The following APOH variants were observed in gnomAD, a reference collection of about 807,000 sequenced individuals.
APOH encodes beta-2-glycoprotein 1.
A neutral mutation model predicts 39.8 loss-of-function variants in APOH; 48 were observed. That is an observed-to-expected ratio of 1.21 (90% confidence interval 0.96 to 1.54). APOH has a LOEUF of 1.54. Among genes scored for constraint, APOH ranks in the 40% most tolerant of loss-of-function variants. APOH has a pLI of 0.00. For synonymous variants in APOH, 153 were observed against 151.1 expected (o/e 1.01, Z -0.09); for missense variants, 415 against 421.2 (o/e 0.99, Z 0.13).
rs1394413014 is a variant in APOH, at chr17:66,228,118, G to C, written c.143C>G (p.Thr48Arg). 5 of 1,614,038 alleles carry C rather than the reference G, an allele frequency of 3.1e-6. No individual in the cohort carries two copies. In the African/African-American group the frequency reaches 6.7e-5, roughly 22 times the overall value. ...CACATAGCCCGGCTTGCAGGAATAC[G>C]TAATCTCTTCTCCTGGCTCATAGAA... ...KTFYEPGEEI[T>R]YSCKPGYVSR... Residue 48 changes from threonine (T) to arginine (R), a missense_variant, in exon 2 of 8, where the codon ACG becomes AGG. This residue lies in a region of APOH where 288 missense variants were observed against 284.9 expected (regional missense o/e 1.01). Transcript: ENST00000205948.
intron 5 of APOH, among the ~76,000 whole-genome samples, chr17:66,219,451 G>C (rs1158726856): frequency 5.3e-5 from 8 of 152,088 alleles, no homozygotes; most frequent in Non-Finnish European, 2.9e-5. Context: ...TTGGGAGAAT[G>C]AGGTCAGATG....
intron 7 of APOH, among the ~76,000 whole-genome samples, chr17:66,212,748 G>A (rs2073343584): frequency 6.6e-6 from 1 of 152,142 alleles, no homozygotes; most frequent in South Asian, 2.1e-4. Flanking sequence ...TAACAGTCAA[G>A]ATTAAAGGGG....
intron 5 of APOH, 127 bp downstream of exon 5, chr17:66,220,427 T>A: frequency 1.2e-6 from 1 of 863,500 alleles, no homozygotes; most frequent in East Asian, 2.6e-5. Flanking sequence ...TGGCACATGG[T>A]AGATGCTCAA....
chr17:66,212,376 C>A lies in APOH; in HGVS notation c.983-188G>T, dbSNP rs149375926. On this transcript the variant is annotated intron_variant, in intron 7 of 7. Transcript: ENST00000205948. ...AGGGAAATGATAAGACCCTCATTTT[C>A]TTTTTCTTTTTCTTTTTCCTTTTTT... is the stretch of plus-strand genomic sequence containing the variant. Among the ~76,000 whole-genome samples the A allele has an allele frequency of 5.8e-3, 876 of 152,094 alleles. 9 individuals are homozygous for A. Among genetic ancestry groups the A allele is most frequent in the African/African-American group, 0.02 (821 of 41,520 alleles).
chr17:66,215,989 C>T (rs1029669831), intron 6 of APOH, among the ~76,000 whole-genome samples: 1 of 152,014 alleles, frequency 6.6e-6, no homozygotes, highest in Non-Finnish European at 1.5e-5. Context: ...TTTCCTTGAA[C>T]TCACTCGAAT....
At chr17:66,214,784 TAGTA>T in intron 6 of APOH, 134 bp from the exon 7 acceptor site, 2 of 697,544 alleles carry the variant, frequency 2.9e-6, no homozygotes, top group Non-Finnish European at 5.0e-6. Flanking sequence ...AGAATATATA[TAGTA>T]AGTAATGGTA....
In APOH at chr17:66,220,630, T is replaced by C. The variant is rs1455995404; in HGVS notation, c.528A>G (p.Pro176=). Residue 176 remains proline (P), a synonymous_variant, in exon 5 of 8, where the codon CCA becomes CCG. Coordinates refer to ENST00000205948, the MANE Select transcript of APOH (RefSeq NM_000042.3). The part of the protein sequence containing the change: ...YRDTAVFECL[P]QHAMFGNDTI... ...TATCATTTCCAAACATCGCATGTTG[T>C]GGCAAACATTCAAAAACTGCTGTGT... 1 of 1,614,214 alleles carries C rather than the reference T, an allele frequency of 6.2e-7. No individual in the cohort carries two copies. Among genetic ancestry groups the C allele is most frequent in the Admixed American group, 1.7e-5 (1 of 60,010 alleles).
chr17:66,224,479 AAAAAAAAAAAAAG>A (rs1212623345), intron 3 of APOH, among the ~76,000 whole-genome samples: 10 of 145,628 alleles, frequency 6.9e-5, no homozygotes, highest in South Asian at 2.2e-4. Flanking sequence ...GTAAAAAAAA[AAAAAAAAAAAAAG>A]AAAAGAAAAG....
chr17:66,220,658 C>T lies in APOH; in HGVS notation c.500G>A (p.Arg167Gln), dbSNP rs368563115. ...KPSAGNNSLY[R>Q]DTAVFECLPQ... is the part of the protein sequence containing the mutation. ...CAAACATTCAAAAACTGCTGTGTCC[C>T]GATAGAGGGAATTGTTTCCAGCTGA... Residue 167 changes from arginine to glutamine, a missense_variant, in exon 5 of 8, where the codon CGG (arginine) becomes CAG (glutamine). Arg to Gln is a conservative substitution (Grantham distance 43, BLOSUM62 1). Coordinates refer to ENST00000205948, the MANE Select transcript of APOH (RefSeq NM_000042.3). 34 of 1,613,896 alleles carry T rather than the reference C, an allele frequency of 2.1e-5. No homozygotes were observed. The highest frequency in any genetic ancestry group is 4.5e-5 in the East Asian group (2 of 44,898).
In APOH at chr17:66,228,043, G is replaced by A. The variant is rs2073450217; in HGVS notation, c.218C>T (p.Pro73Leu). 6.2e-7 allele frequency: 1 copy of A among 1,613,788 alleles called. No homozygotes were observed. The highest frequency in any genetic ancestry group is 1.1e-5 in the South Asian group (1 of 91,036). Reference sequence around the variant, plus strand: ...ACGTGTACATTTCAGAGTGTTGATGGGCCACAGTCCTGTGAGAGGGCAGAT... The same window carrying A: ...ACGTGTACATTTCAGAGTGTTGATGAGCCACAGTCCTGTGAGAGGGCAGAT... ...KFICPLTGLW[P>L]INTLKCTPRV... The change falls in exon 2 of 8, where the codon CCC becomes CTC. Residue 73 changes from proline to leucine, a missense_variant. By Grantham distance (98) the Pro-to-Leu change is moderately conservative. Transcript: ENST00000205948.
intron 1 of APOH, chr17:66,228,485 C>T (rs967486537): frequency 1.3e-4 from 40 of 302,666 alleles, no homozygotes; most frequent in Non-Finnish European, 2.4e-4. Flanking sequence ...CAATCCAGTC[C>T]CTCCAGCATC....
At chr17:66,228,685 C>T (rs2073454575) in intron 1 of APOH, 1 of 152,634 alleles carries the variant, frequency 6.6e-6, no homozygotes. Flanking sequence ...CCTGTGGTCC[C>T]AGCTACTCGG....
chr17:66,220,727 G>C lies in APOH; in HGVS notation c.431C>G (p.Pro144Arg), dbSNP rs1212114248. The stretch of plus-strand genomic sequence containing the variant: ...TGTTGCAAACGTAGGTATGGATGGT[G>C]GAGGGCAGATGATGGCTGGGAAAAT... The part of the protein sequence containing the change: ...LPVCAPIICP[P>R]PSIPTFATLR... Residue 144 changes from proline to arginine, a missense_variant, in exon 5 of 8, where the codon CCA becomes CGA. Around this residue, in one of 3 missense-constraint regions of APOH, gnomAD observed 288 missense variants for 284.9 expected, o/e 1.01. Coordinates refer to ENST00000205948, the MANE Select transcript of APOH (RefSeq NM_000042.3). 9 of 1,610,078 alleles carry C rather than the reference G, an allele frequency of 5.6e-6. No individual in the cohort carries two copies. The highest frequency in any genetic ancestry group is 6.8e-6 in the Non-Finnish European group (8 of 1,176,700).
intron 3 of APOH, among the ~76,000 whole-genome samples, chr17:66,225,685 G>A (rs1410083821): frequency 6.6e-6 from 1 of 152,106 alleles, no homozygotes; most frequent in Non-Finnish European, 1.5e-5. Flanking sequence ...AGACCATCCT[G>A]GCTAACACAG....
chr17:66,226,537 A>G (rs2073440762), intron 2 of APOH, among the ~76,000 whole-genome samples: 1 of 151,396 alleles, frequency 6.6e-6, no homozygotes, highest in Non-Finnish European at 1.5e-5. Flanking sequence ...CTGGATGCTG[A>G]GGCAGGAGAA....
chr17:66,225,944 A>G (rs2073436668), intron 3 of APOH, 84 bp downstream of exon 3: 1 of 913,624 alleles, frequency 1.1e-6, no homozygotes, highest in Non-Finnish European at 1.7e-6. Flanking sequence ...CTGAAAACAA[A>G]ATATAGACCA....
intron 2 of APOH, 33 bp downstream of exon 2, chr17:66,227,987 G>A (rs1409304847): frequency 1.1e-5 from 18 of 1,590,942 alleles, no homozygotes; most frequent in African/African-American, 2.7e-5. Flanking sequence ...ATCCAAATGA[G>A]GGAAGAGAAT....
At chr17:66,225,335 C>T (rs118088174) in intron 3 of APOH, among the ~76,000 whole-genome samples, 5,267 of 152,172 alleles carry the variant, frequency 0.035, 130 homozygotes, top group Middle Eastern at 0.065. Flanking sequence ...CCCAGATGAG[C>T]CTGTGCCCAC....
chr17:66,218,939 G>A (rs901668703), intron 5 of APOH, among the ~76,000 whole-genome samples: 12 of 152,106 alleles, frequency 7.9e-5, no homozygotes, highest in African/African-American at 2.7e-4. Flanking sequence ...AAACCTGGGA[G>A]GTAGATGTTG....
Sources: gnomAD v4.1 joint callset for allele counts (sites outside exome capture counted in the v4.1 genomes callset) on GRCh38, gnomAD v4.1.1 for gene constraint, gnomAD v4.1.1 regional missense constraint, MANE v1.5 for transcripts, NCBI Gene and HGNC (gene_info 2026-07-23, HGNC 2026-07-21) for gene names.